Variants in STK33 observed in about 807,000 individuals in gnomAD.
The protein encoded by STK33 is serine/threonine kinase 33, also known as serine/threonine-protein kinase 33.
A neutral mutation model predicts 58.0 loss-of-function variants in STK33; 52 were observed. That is an observed-to-expected ratio of 0.90 (90% CI 0.72 to 1.13). The LOEUF is 1.13. STK33 is among the 50% of genes most tolerant of loss of function. STK33 has a pLI of 0.00. For missense variants in STK33, 630 were observed against 604.2 expected (o/e 1.04, Z -0.45); for synonymous variants, 215 against 200.1 (o/e 1.07, Z -0.63).
intron 1 of STK33, among the ~76,000 whole-genome samples, chr11:8,566,712 G>C (rs1957467510): frequency 1.3e-5 from 2 of 152,084 alleles, no homozygotes; most frequent in South Asian, 4.1e-4. Context: ...CTCTTCCACA[G>C]CATACTTCTT....
At chr11:8,345,529 A>T in the STK33 span, among the ~76,000 whole-genome samples, 3 of 152,260 alleles carry the variant, frequency 2.0e-5, no homozygotes, top group African/African-American at 7.2e-5. Context: ...GGAGACAGGC[A>T]GGAAGACCCA....
intron 9 of STK33, among the ~76,000 whole-genome samples, chr11:8,457,052 G>A (rs1946942711): frequency 1.3e-5 from 2 of 152,122 alleles, no homozygotes; most frequent in South Asian, 2.1e-4. Flanking sequence ...ATTAATAGAT[G>A]TTTTGGGAAA....
the STK33 span, among the ~76,000 whole-genome samples, chr11:8,373,442 AG>A: frequency 6.6e-6 from 1 of 152,126 alleles, no homozygotes; most frequent in Admixed American, 6.5e-5. Context: ...GGTTAAAGGC[AG>A]GGGCAGGATG....
chr11:8,493,443 A>G (rs1296294010), intron 1 of STK33, among the ~76,000 whole-genome samples: 1 of 152,172 alleles, frequency 6.6e-6, no homozygotes, highest in Non-Finnish European at 1.5e-5. Context: ...TCTGAAATTG[A>G]GGCAATAATA....
chr11:8,476,437 C>T (rs1214202296), intron 4 of STK33, among the ~76,000 whole-genome samples: 1 of 152,138 alleles, frequency 6.6e-6, no homozygotes, highest in Non-Finnish European at 1.5e-5. Flanking sequence ...CCCAAATAAA[C>T]GTACTCTTCA....
downstream of STK33, among the ~76,000 whole-genome samples, chr11:8,387,648 T>C (rs1410194059): frequency 6.6e-6 from 1 of 152,216 alleles, no homozygotes. Flanking sequence ...TCCACTATTA[T>C]AGCTCAAAGT....
At chr11:8,564,348 T>A (rs1243934908) in intron 1 of STK33, among the ~76,000 whole-genome samples, 1 of 152,134 alleles carries the variant, frequency 6.6e-6, no homozygotes, top group African/African-American at 2.4e-5. Flanking sequence ...CCCAAAGCCT[T>A]ATGGAAGAAA....
chr11:8,373,162 A>C, the STK33 span, among the ~76,000 whole-genome samples: 1 of 152,062 alleles, frequency 6.6e-6, no homozygotes, highest in Non-Finnish European at 1.5e-5. Context: ...GCTTGTTCTC[A>C]CAGCAAAGGT....
At chr11:8,444,209 T>C (rs1008066696) in intron 11 of STK33, among the ~76,000 whole-genome samples, 1 of 152,164 alleles carries the variant, frequency 6.6e-6, no homozygotes, top group Admixed American at 6.5e-5. Context: ...AAATTATTAG[T>C]ATTACAAAGA....
the STK33 span, among the ~76,000 whole-genome samples, chr11:8,366,432 A>G: frequency 1.3e-5 from 2 of 152,136 alleles, no homozygotes; most frequent in Non-Finnish European, 2.9e-5. Context: ...GAGGGAAAGG[A>G]GGGACAAGAG....
intron 1 of STK33, among the ~76,000 whole-genome samples, chr11:8,512,841 A>T (rs1328280937): frequency 6.6e-6 from 1 of 152,072 alleles, no homozygotes; most frequent in African/African-American, 2.4e-5. Flanking sequence ...TCAGGTACAC[A>T]ATTACCTAGT....
chr11:8,429,803 C>A (rs1247484436), intron 14 of STK33, among the ~76,000 whole-genome samples: 1 of 152,154 alleles, frequency 6.6e-6, no homozygotes, highest in African/African-American at 2.4e-5. Flanking sequence ...TCTTGGTTCA[C>A]CTCCTCGTTA....
chr11:8,420,959 G>C (rs555074713), intron 14 of STK33, among the ~76,000 whole-genome samples: 155 of 151,346 alleles, frequency 1.0e-3, no homozygotes, highest in African/African-American at 3.7e-3. Flanking sequence ...TGCCAGCCTG[G>C]GTAACAGAGC....
At chr11:8,411,961 G>C (rs746748694) in intron 15 of STK33, among the ~76,000 whole-genome samples, 2 of 152,148 alleles carry the variant, frequency 1.3e-5, no homozygotes, top group African/African-American at 2.4e-5. Flanking sequence ...ACTTGCAGGG[G>C]CGGCTGGAGG....
chr11:8,396,026 C>T (rs1171615135), intron 15 of STK33, among the ~76,000 whole-genome samples: 2 of 152,160 alleles, frequency 1.3e-5, no homozygotes, highest in Non-Finnish European at 2.9e-5. Context: ...ACGCTGGCTA[C>T]CCCGAAACAA....
intron 14 of STK33, among the ~76,000 whole-genome samples, chr11:8,421,496 T>A (rs1941916972): frequency 6.6e-6 from 1 of 152,186 alleles, no homozygotes; most frequent in South Asian, 2.1e-4. Flanking sequence ...TTGTCAATAA[T>A]CATACTGCCC....
the STK33 span, among the ~76,000 whole-genome samples, chr11:8,381,254 T>C: frequency 6.6e-6 from 1 of 152,162 alleles, no homozygotes; most frequent in African/African-American, 2.4e-5. Context: ...CCCCACAAGC[T>C]ATTAAAATAA....
chr11:8,383,191 C>T, the STK33 span, among the ~76,000 whole-genome samples: 1 of 152,262 alleles, frequency 6.6e-6, no homozygotes, highest in African/African-American at 2.4e-5. Flanking sequence ...GGCCTAGAAA[C>T]ATGTCACTAA....
rs542677076 is a variant in STK33 at position 8,492,529 on chromosome 11, A to T, written c.-465-11915T>A. ...TATAACACCCCACTGTCAATATTAG[A>T]CAGATCAACGAGACAGAAAGTTAAC... On this transcript the variant is annotated intron_variant, in intron 1 of 15. Transcript: ENST00000687296. Among the ~76,000 whole-genome samples, 7 of 152,336 alleles carry T rather than the reference A, an allele frequency of 4.6e-5. No individual in the cohort carries two copies. In the South Asian group the frequency reaches 1.5e-3, roughly 32 times the overall value.
Sources: allele counts gnomAD v4.1 joint callset (sites outside exome capture counted in the v4.1 genomes callset), GRCh38; gene constraint gnomAD v4.1.1; transcripts MANE v1.5; gene names NCBI Gene and HGNC (gene_info 2026-07-23, HGNC 2026-07-21).